The following NCKAP5 variants were observed in gnomAD, a reference collection of about 807,000 sequenced individuals.
The protein encoded by NCKAP5 is nck-associated protein 5.
In NCKAP5, 92 loss-of-function variants were observed where a neutral mutation model predicts 167.0. That is an observed-to-expected ratio of 0.55 (90% CI 0.47 to 0.66). The LOEUF (loss-of-function observed/expected upper bound fraction) is 0.66. Ranked by LOEUF, NCKAP5 falls within the 30% of genes least tolerant of loss-of-function variation. The pLI, the probability that NCKAP5 is intolerant of heterozygous loss-of-function variation, is 0.00. For missense variants in NCKAP5, 2,378 were observed against 2,315.0 expected (o/e 1.03, Z -0.56); for synonymous variants, 891 against 877.4 (o/e 1.02, Z -0.27).
the NCKAP5 span, among the ~76,000 whole-genome samples, chr2:133,584,593 A>G: frequency 6.6e-6 from 1 of 151,990 alleles, no homozygotes; most frequent in Admixed American, 6.6e-5. Context: ...GGTCAGACCC[A>G]TCTCTACTAA....
intron 19 of NCKAP5, among the ~76,000 whole-genome samples, chr2:132,679,158 T>C (rs1377521375): frequency 6.6e-6 from 1 of 152,168 alleles, no homozygotes; most frequent in East Asian, 1.9e-4. Flanking sequence ...AAGAAGTGGG[T>C]TTCCTAACAC....
In NCKAP5 at chr2:132,912,550, G is replaced by C. The variant is rs535749464; in HGVS notation, c.580-33634C>G. On this transcript the variant is annotated intron_variant, in intron 8 of 19. Transcript: ENST00000409261. Reference sequence around the variant, plus strand: ...TGTGTACATATCTACAAACTGCCCTGCTTCCTATGGTTCCTTTGATGCTGA... The same window carrying C: ...TGTGTACATATCTACAAACTGCCCTCCTTCCTATGGTTCCTTTGATGCTGA... 8.5e-4 allele frequency among the ~76,000 whole-genome samples: 129 copies of C among 152,218 alleles called. 2 individuals carry two copies. The South Asian group carries it at 0.01, about 12-fold the overall frequency.
At chr2:133,039,620 C>G (rs530241916) in intron 6 of NCKAP5, among the ~76,000 whole-genome samples, 3 of 152,302 alleles carry the variant, frequency 2.0e-5, no homozygotes, top group East Asian at 3.9e-4. Context: ...CATTATCCTA[C>G]AGCCTGTACA....
At chr2:133,390,910 T>C (rs1687353911) in intron 3 of NCKAP5, among the ~76,000 whole-genome samples, 1 of 152,228 alleles carries the variant, frequency 6.6e-6, no homozygotes, top group South Asian at 2.1e-4. Context: ...CTTTTAGTTT[T>C]CATTCACACA....
chr2:133,141,672 A>C (rs2083002344), intron 5 of NCKAP5, among the ~76,000 whole-genome samples: 1 of 152,172 alleles, frequency 6.6e-6, no homozygotes, highest in Non-Finnish European at 1.5e-5. Flanking sequence ...CTTTTTATTC[A>C]TTTGGAGAAC....
At position 132,782,907 on chromosome 2, in the gene NCKAP5, T is replaced by C. The variant is rs373081530; in HGVS notation, c.3904A>G (p.Ile1302Val). The change falls in exon 14 of 20, where the codon ATT becomes GTT. Residue 1302 changes from isoleucine to valine, a missense_variant. By Grantham distance (29) the Ile-to-Val change is conservative. This residue lies in a region of NCKAP5 where 1,325 missense variants were observed against 1,274.5 expected (regional missense o/e 1.04). Transcript: ENST00000409261. ...TTGCCTCTCTCGGCGGTATTGGTAATGATCTGAGTGCGGACTTTGCCTGAC... is the reference window on the plus strand; with the variant it reads ...TTGCCTCTCTCGGCGGTATTGGTAACGATCTGAGTGCGGACTTTGCCTGAC... ...EGSGKVRTQI[I>V]TNTAERGNSL... is the part of the protein sequence containing the mutation. 10 of 1,613,802 alleles carry C rather than the reference T, an allele frequency of 6.2e-6. No homozygotes were observed. The highest frequency in any genetic ancestry group is 4.0e-5 in the African/African-American group (3 of 74,908).
At chr2:133,426,513 A>G (rs1689817012) in intron 3 of NCKAP5, among the ~76,000 whole-genome samples, 1 of 152,092 alleles carries the variant, frequency 6.6e-6, no homozygotes, top group South Asian at 2.1e-4. Flanking sequence ...ATCTAATACC[A>G]AAATCAGATA....
At chr2:132,852,056 G>C (rs1479357679) in intron 11 of NCKAP5, among the ~76,000 whole-genome samples, 4 of 152,140 alleles carry the variant, frequency 2.6e-5, no homozygotes, top group Admixed American at 6.5e-5. Flanking sequence ...CCCCAGGTAA[G>C]CATCACCATT....
chr2:133,655,402 G>A, the NCKAP5 span, among the ~76,000 whole-genome samples: 2 of 152,158 alleles, frequency 1.3e-5, no homozygotes, highest in Non-Finnish European at 2.9e-5. Flanking sequence ...TAGGACCAAG[G>A]AGTGATATAG....
At chr2:132,913,513 T>C (rs191169760) in intron 8 of NCKAP5, among the ~76,000 whole-genome samples, 4 of 152,306 alleles carry the variant, frequency 2.6e-5, no homozygotes, top group Non-Finnish European at 5.9e-5. Context: ...ATATGCCTGC[T>C]ACCTAGTTAG....
intron 16 of NCKAP5, among the ~76,000 whole-genome samples, chr2:132,765,513 T>C (rs1299397716): frequency 6.6e-6 from 1 of 151,908 alleles, no homozygotes; most frequent in Non-Finnish European, 1.5e-5. Flanking sequence ...TGGGGTTTCA[T>C]CATGTTGGCC....
Position 132,673,318 on chromosome 2 carries a change from G to A in NCKAP5, c.5714-13C>T. ...GTTGTCTCAATTTCTGCAATAAAAA[G>A]AAGAAAATATTAGAAACATATTTCT... is the stretch of plus-strand genomic sequence containing the variant. On this transcript the variant is annotated splice_polypyrimidine_tract_variant and intron_variant, in intron 19 of 19. Transcript: ENST00000409261. 1.4e-6 allele frequency: 2 copies of A among 1,429,986 alleles called. No individual in the cohort carries two copies. The highest frequency in any genetic ancestry group is 1.3e-5 in the South Asian group (1 of 75,500). The allele number at this position is 1,429,986 out of a possible 1,614,324, so 88.6% of individuals were successfully genotyped here.
chr2:133,164,746 G>T (rs968078721), intron 5 of NCKAP5, among the ~76,000 whole-genome samples: 37 of 152,088 alleles, frequency 2.4e-4, no homozygotes, highest in Non-Finnish European at 8.8e-5. Flanking sequence ...CAGTGTCTCG[G>T]GAATCTCTGC....
chr2:133,663,458 T>C, the NCKAP5 span, among the ~76,000 whole-genome samples: 3 of 152,220 alleles, frequency 2.0e-5, no homozygotes, highest in Non-Finnish European at 4.4e-5. Context: ...GACTGACTTT[T>C]CATGGAAGTT....
intron 6 of NCKAP5, among the ~76,000 whole-genome samples, chr2:133,068,178 C>G (rs1054046871): frequency 6.6e-6 from 1 of 152,138 alleles, no homozygotes; most frequent in Non-Finnish European, 1.5e-5. Context: ...TAGATAGAAG[C>G]TTAATGCTGA....
chr2:133,480,557 G>C (rs1865585), intron 3 of NCKAP5, among the ~76,000 whole-genome samples: 53,577 of 151,972 alleles, frequency 0.35, 9,762 homozygotes, highest in Non-Finnish European at 0.4. Context: ...CTGGAAGTGA[G>C]AAAGTGTTTA....
At position 132,784,905 on chromosome 2, in the gene NCKAP5, T is replaced by C; in HGVS notation, c.1906A>G (p.Lys636Glu). The C allele has an allele frequency of 6.4e-7, 1 of 1,570,732 alleles. No individual in the cohort carries two copies. Among genetic ancestry groups the C allele is most frequent in the Non-Finnish European group, 8.6e-7 (1 of 1,159,520 alleles). The change falls in exon 14 of 20, where the codon AAA (lysine) becomes GAA (glutamate). Residue 636 changes from lysine (K) to glutamate (E), a missense_variant. Lys to Glu is a moderately conservative substitution (Grantham distance 56). Transcript: ENST00000409261. ...GTCTCTGAAGGGATGGGCACTTGTT[T>C]TTCCTCCTCTTCAGGAGACCCACAT... is the stretch of plus-strand genomic sequence containing the variant. Reference protein sequence around the residue: ...SLCGSPEEEEKQVPIPSETRP... With the variant: ...SLCGSPEEEEEQVPIPSETRP...
chr2:133,426,056 G>A, intron 3 of NCKAP5, among the ~76,000 whole-genome samples: 1 of 152,180 alleles, frequency 6.6e-6, no homozygotes, highest in African/African-American at 2.4e-5. Flanking sequence ...AGGATCACGA[G>A]GTCAGGAGTT....
At chr2:133,393,820 T>C (rs1324006175) in intron 3 of NCKAP5, among the ~76,000 whole-genome samples, 2 of 152,198 alleles carry the variant, frequency 1.3e-5, no homozygotes, top group African/African-American at 4.8e-5. Context: ...TGGTGCCATA[T>C]GTATTAGGAA....
Sources: allele counts gnomAD v4.1 joint callset (sites outside exome capture counted in the v4.1 genomes callset), GRCh38; gene constraint gnomAD v4.1.1; regional missense constraint gnomAD v4.1.1; transcripts MANE v1.5; gene names NCBI Gene and HGNC (gene_info 2026-07-23, HGNC 2026-07-21).